Variants in CEP78 observed in about 807,000 individuals in gnomAD.
The protein encoded by CEP78 is centrosomal protein of 78 kDa.
CEP78 carries 76 observed loss-of-function variants against 81.2 expected under a neutral mutation model. The observed-to-expected ratio is 0.94, with a 90% confidence interval of 0.78 to 1.13. CEP78 has a LOEUF of 1.13. Ranked by LOEUF, CEP78 falls within the 50% of genes most tolerant of loss-of-function variation. CEP78 has a pLI of 0.00. For synonymous variants in CEP78, 293 were observed against 301.4 expected (o/e 0.97, Z 0.29); for missense variants, 918 against 846.8 (o/e 1.08, Z -1.04).
intron 1 of CEP78, among the ~76,000 whole-genome samples, chr9:78,237,352 A>G (rs911302993): frequency 6.6e-6 from 1 of 152,182 alleles, no homozygotes. Flanking sequence ...TTGTAAATGT[A>G]TAGTGGTATA....
In CEP78 at chr9:78,265,427, G is replaced by A. The variant is rs1275548066; in HGVS notation, c.1681G>A (p.Gly561Ser). 6.2e-7 allele frequency: 1 copy of A among 1,604,224 alleles called. No individual in the cohort carries two copies. The highest frequency in any genetic ancestry group is 1.3e-5 in the African/African-American group (1 of 74,894). Residue 561 changes from glycine to serine, a missense_variant, in exon 14 of 17, where the codon GGT (glycine) becomes AGT (serine). Coordinates refer to ENST00000643273, the MANE Select transcript of CEP78 (RefSeq NM_001330691.3). ...GIDQSDFQLL[G>S]HPQMTSTVSN... is the part of the protein sequence containing the mutation. ...AGATCAGTCAGATTTTCAATTACTAGGTCATCCCCAGATGACTTCTACTGT... is the reference window on the plus strand; with the variant it reads ...AGATCAGTCAGATTTTCAATTACTAAGTCATCCCCAGATGACTTCTACTGT...
At chr9:78,247,774 G>A (rs1424216860) in intron 6 of CEP78, among the ~76,000 whole-genome samples, 4 of 152,078 alleles carry the variant, frequency 2.6e-5, no homozygotes, top group African/African-American at 9.7e-5. Context: ...GGTTGGAGGT[G>A]GTAAAAAGTG....
chr9:78,265,185 G>A (rs184380498), intron 13 of CEP78, among the ~76,000 whole-genome samples, 187 bp from the exon 14 acceptor site: 31 of 152,310 alleles, frequency 2.0e-4, no homozygotes, highest in African/African-American at 7.5e-4. Context: ...GATATGATAT[G>A]GTTTGTCTCA....
chr9:78,240,268 T>A (rs1484763757), intron 2 of CEP78, 24 bp from the exon 3 acceptor site: 1 of 1,609,956 alleles, frequency 6.2e-7, no homozygotes. Context: ...CAATAACATT[T>A]TTAACTTTTC....
rs878905366 is a variant in CEP78, at chr9:78,236,517, C to A, written c.167C>A (p.Ala56Glu). ...NADRLRGVDWAPLLSTLKINK... is the reference protein window; with the variant it reads ...NADRLRGVDWEPLLSTLKINK... ...GACCGCCTCCGCGGGGTGGACTGGG[C>A]GCCTCTGCTGAGCACCCTCAAGATC... The change falls in exon 1 of 17, where the codon GCG becomes GAG. Residue 56 changes from alanine to glutamate, a missense_variant. By Grantham distance (107) the Ala-to-Glu change is moderately radical. Coordinates refer to ENST00000643273, the MANE Select transcript of CEP78 (RefSeq NM_001330691.3). 2 of 1,606,586 alleles carry A rather than the reference C, an allele frequency of 1.2e-6. No homozygotes were observed. The highest frequency in any genetic ancestry group is 2.2e-5 in the South Asian group (2 of 89,670).
rs1827689909 is a variant in CEP78, at chr9:78,271,625, A to C, written c.*774A>C. 1 of 152,138 alleles carries C rather than the reference A, an allele frequency of 6.6e-6. No individual in the cohort carries two copies. 9.4% of individuals were successfully genotyped at this position (152,138 alleles called of 1,614,324 possible). On this transcript the variant is annotated 3_prime_UTR_variant, in exon 17 of 17. Transcript: ENST00000643273. The stretch of plus-strand genomic sequence containing the variant: ...GTCTTAGACGTTTCATCAGCAACTT[A>C]ATTACTTAGAAAAAATCTTTCTCAG...
At chr9:78,255,003 T>C (rs746326186) in intron 11 of CEP78, 39 bp downstream of exon 11, 1 of 1,565,712 alleles carries the variant, frequency 6.4e-7, no homozygotes, top group East Asian at 2.3e-5. Flanking sequence ...AGAAGATCAT[T>C]TCAAACTCTA....
chr9:78,254,698 A>G (rs1826930201), intron 10 of CEP78, 138 bp from the exon 11 acceptor site: 1 of 466,530 alleles, frequency 2.1e-6, no homozygotes, highest in Admixed American at 4.0e-5. Flanking sequence ...TTTGTTATTG[A>G]TTGTGTTAGA....
At chr9:78,259,291 A>G (rs964419774) in intron 11 of CEP78, among the ~76,000 whole-genome samples, 12 of 152,160 alleles carry the variant, frequency 7.9e-5, no homozygotes, top group Non-Finnish European at 1.2e-4. Context: ...GCATGCATAT[A>G]AAGGAAATGA....
At position 78,254,857 on chromosome 9, in the gene CEP78, G is replaced by A. The variant is rs375721961; in HGVS notation, c.1273G>A (p.Val425Met). The A allele has an allele frequency of 1.9e-6, 3 of 1,610,566 alleles. No homozygotes were observed. In the East Asian group the frequency reaches 6.7e-5, roughly 36 times the overall value. The change falls in exon 11 of 17, where the codon GTG becomes ATG. Residue 425 changes from valine to methionine, a missense_variant. Physicochemically the swap from Val to Met is conservative, Grantham distance 21. Coordinates refer to ENST00000643273, the MANE Select transcript of CEP78 (RefSeq NM_001330691.3). Reference protein sequence around the residue: ...QLQQPGFPVTVTVESPSSSEV... With the variant: ...QLQQPGFPVTMTVESPSSSEV... Reference sequence around the variant, plus strand: ...TAAGCAACCAGGTTTTCCTGTGACTGTGACAGTAGAGAGTCCTTCATCCTC... The same window carrying A: ...TAAGCAACCAGGTTTTCCTGTGACTATGACAGTAGAGAGTCCTTCATCCTC...
intron 11 of CEP78, among the ~76,000 whole-genome samples, chr9:78,255,840 A>G (rs1238412917): frequency 6.6e-6 from 1 of 152,180 alleles, no homozygotes; most frequent in Non-Finnish European, 1.5e-5. Context: ...TGTCTGATTC[A>G]TGTTCATTAT....
At chr9:78,268,938 G>A (rs568193556) in intron 16 of CEP78, among the ~76,000 whole-genome samples, 1 of 152,258 alleles carries the variant, frequency 6.6e-6, no homozygotes, top group Non-Finnish European at 1.5e-5. Context: ...TTACAGGCGT[G>A]AGCTACCATG....
At position 78,276,499 on chromosome 9, in the gene CEP78, G is replaced by C. The variant is rs1180263445; in HGVS notation, c.*5648G>C. On this transcript the variant is annotated 3_prime_UTR_variant, in exon 17 of 17. Transcript: ENST00000643273. ...AAGGCTCTCGTTATTTGTAAATATG[G>C]GGTCTTTTTTTTTTTGGACAAAAAA... The C allele has an allele frequency of 6.6e-6, 1 of 151,658 alleles. No individual in the cohort carries two copies. The highest frequency in any genetic ancestry group is 1.5e-5 in the Non-Finnish European group (1 of 67,922). 9.4% of individuals were successfully genotyped at this position (151,658 alleles called of 1,614,324 possible). A position where few individuals can be genotyped will look rare whatever the true frequency, so the allele number is the denominator to read the frequency against.
rs768400278 is a variant in CEP78, at chr9:78,248,817, A to G, written c.1013A>G (p.Lys338Arg). The change falls in exon 8 of 17, where the codon AAA becomes AGA. Residue 338 changes from lysine (K) to arginine (R), a missense_variant. Physicochemically the swap from Lys to Arg is conservative, Grantham distance 26. Transcript: ENST00000643273. ...GAACCATCCAAAACTGCTAAACAGA[A>G]AAGGAGAACTATAATTCTAGGAAGT... Reference protein sequence around the residue: ...VKEPSKTAKQKRRTIILGSGH... With the variant: ...VKEPSKTAKQRRRTIILGSGH... 19 of 1,600,428 alleles carry G rather than the reference A, an allele frequency of 1.2e-5. No individual in the cohort carries two copies. In the East Asian group the frequency reaches 2.7e-4, roughly 23 times the overall value.
chr9:78,264,737 G>T (rs540630299), intron 13 of CEP78, among the ~76,000 whole-genome samples: 1 of 151,258 alleles, frequency 6.6e-6, no homozygotes, highest in South Asian at 2.1e-4. Flanking sequence ...AGTTTTAATT[G>T]AAAGTATTCA....
intron 5 of CEP78, among the ~76,000 whole-genome samples, chr9:78,245,226 A>G (rs900131996): frequency 6.6e-6 from 1 of 152,038 alleles, no homozygotes; most frequent in African/African-American, 2.4e-5. Flanking sequence ...ATAGAAGCAT[A>G]TAACAGAATT....
chr9:78,266,713 C>G lies in CEP78; in HGVS notation c.2107+10C>G, dbSNP rs374257343. 6 of 1,611,076 alleles carry G rather than the reference C, an allele frequency of 3.7e-6. No homozygotes were observed. Among genetic ancestry groups the G allele is most frequent in the Middle Eastern group, 1.6e-4 (1 of 6,080 alleles). ...AAAAAGACCAAAACAGGTGAATATA[C>G]CAAAAAACACTCTGATAAGCAACAC... is the stretch of plus-strand genomic sequence containing the variant. On this transcript the variant is annotated intron_variant, in intron 16 of 16. Coordinates refer to ENST00000643273, the MANE Select transcript of CEP78 (RefSeq NM_001330691.3).
At chr9:78,266,307 C>T in intron 15 of CEP78, 135 bp from the exon 16 acceptor site, 1 of 652,140 alleles carries the variant, frequency 1.5e-6, no homozygotes, top group Non-Finnish European at 2.6e-6. Flanking sequence ...TTGGCAATCA[C>T]TTGGCAAGAT....
chr9:78,253,848 A>G (rs995042866), intron 10 of CEP78: 2 of 152,340 alleles, frequency 1.3e-5, no homozygotes, highest in African/African-American at 4.8e-5. Context: ...AAAAGATAGC[A>G]CTACTGAGAT....
Sources: allele counts gnomAD v4.1 joint callset (sites outside exome capture counted in the v4.1 genomes callset), GRCh38; gene constraint gnomAD v4.1.1; transcripts MANE v1.5; gene names NCBI Gene and HGNC (gene_info 2026-07-23, HGNC 2026-07-21).